RANBP2: variants seen among roughly 807,000 people sequenced by gnomAD.
RANBP2 encodes the protein E3 SUMO-protein ligase RanBP2.
Under a neutral mutation model 303.6 loss-of-function variants are expected in RANBP2, and 57 were observed. The observed-to-expected ratio is 0.19, with a 90% confidence interval of 0.15 to 0.23. The LOEUF is 0.23. RANBP2 is among the 10% of genes least tolerant of loss of function. The pLI is 1.00. For missense variants in RANBP2, 3,138 were observed against 3,780.8 expected, an observed-to-expected ratio of 0.83 and a Z score of 4.46; for synonymous variants, 1,167 against 1,301.5, an observed-to-expected ratio of 0.90 and a Z score of 2.23.
At chr2:109,217,464 T>C in the RANBP2 span, among the ~76,000 whole-genome samples, 19 of 152,298 alleles carry the variant, frequency 1.2e-4, 1 homozygote, top group South Asian at 3.7e-3. Context: ...ATGGCCACGA[T>C]TGGTAAATAG....
At chr2:109,461,305 C>A in the RANBP2 span, among the ~76,000 whole-genome samples, 2 of 152,358 alleles carry the variant, frequency 1.3e-5, no homozygotes, top group Admixed American at 1.3e-4. Context: ...GGCCCAGTGG[C>A]AGACCAAGAA....
rs370391011 is a variant in RANBP2 at position 108,731,371 on chromosome 2, C to T, written c.302C>T (p.Ala101Val). 6.2e-7 allele frequency: 1 copy of T among 1,611,296 alleles called. No homozygotes were observed. The highest frequency in any genetic ancestry group is 1.3e-5 in the African/African-American group (1 of 74,790). The part of the protein sequence containing the change: ...PTQKDLVLKI[A>V]ELLCKNDVTD... The stretch of plus-strand genomic sequence containing the variant: ...CAAAAAGATCTTGTGTTGAAGATTG[C>T]AGAATTGCTTTGTAAAAATGATGTT... Residue 101 changes from alanine to valine, a missense_variant, in exon 4 of 29, where the codon GCA (alanine) becomes GTA (valine). Transcript: ENST00000283195.
the RANBP2 span, among the ~76,000 whole-genome samples, chr2:109,756,336 CGTGTTCTA>C: frequency 1.9e-5 from 1 of 53,134 alleles, no homozygotes; most frequent in Non-Finnish European, 4.1e-5. Context: ...GTCAGGAAGA[CGTGTTCTA>C]GTGGTTGATA....
rs528391703 is a variant in RANBP2, at chr2:108,760,011, C to T, written c.2602+1463C>T. Among the ~76,000 whole-genome samples the T allele has an allele frequency of 8.0e-3, 1,225 of 152,248 alleles. 22 individuals carry two copies. The highest frequency in any genetic ancestry group is 0.027 in the African/African-American group (1,120 of 41,572). On this transcript the variant is annotated intron_variant, in intron 18 of 28. Coordinates refer to ENST00000283195, the MANE Select transcript of RANBP2 (RefSeq NM_006267.5). ...TCCAAATGGATTATTTACAGGTTCACAAAACAGCTTTGTGGCACTGAAAGG... is the reference window on the plus strand; with the variant it reads ...TCCAAATGGATTATTTACAGGTTCATAAAACAGCTTTGTGGCACTGAAAGG...
At chr2:108,811,247 C>CTCTCT in the RANBP2 span, among the ~76,000 whole-genome samples, 1 of 113,940 alleles carries the variant, frequency 8.8e-6, no homozygotes, top group African/African-American at 3.8e-5. Context: ...TTCTCTCTCT[C>CTCTCT]TTTTTTTTTT....
At chr2:108,889,281 G>T in the RANBP2 span, among the ~76,000 whole-genome samples, 1 of 152,100 alleles carries the variant, frequency 6.6e-6, no homozygotes, top group African/African-American at 2.4e-5. Context: ...TAGTCAGATA[G>T]AATGTTCTGT....
chr2:108,895,010 A>C, the RANBP2 span: 2 of 150,036 alleles, frequency 1.3e-5, no homozygotes, highest in Non-Finnish European at 3.0e-5. Flanking sequence ...AATTAAGGGG[A>C]GACTCACTCA....
the RANBP2 span, among the ~76,000 whole-genome samples, chr2:109,459,631 C>T: frequency 1.6e-3 from 240 of 152,236 alleles, 2 homozygotes; most frequent in African/African-American, 5.6e-3. Flanking sequence ...GGATCAGTCA[C>T]CCGAGCCAGC....
the RANBP2 span, among the ~76,000 whole-genome samples, chr2:109,241,965 A>G: frequency 5.3e-5 from 8 of 151,578 alleles, no homozygotes; most frequent in East Asian, 2.0e-4. Flanking sequence ...TGCTGCTTTC[A>G]TGGTGGTTTT....
chr2:109,448,672 A>T, the RANBP2 span, among the ~76,000 whole-genome samples: 6 of 152,186 alleles, frequency 3.9e-5, no homozygotes, highest in Non-Finnish European at 8.8e-5. Context: ...ATTCTATGTT[A>T]TGGTGAGTTG....
chr2:108,757,761 G>GT (rs1022599442), intron 17 of RANBP2, among the ~76,000 whole-genome samples: 3 of 152,138 alleles, frequency 2.0e-5, no homozygotes, highest in East Asian at 3.8e-4. Context: ...GTAGATACTT[G>GT]TTTTTTTGAG....
In RANBP2 at chr2:108,760,661, A is replaced by G. The variant is rs1162932106; in HGVS notation, c.2603-1440A>G. Among the ~76,000 whole-genome samples, 3 of 152,168 alleles carry G rather than the reference A, an allele frequency of 2.0e-5. 1 individual carries two copies. The highest frequency in any genetic ancestry group is 4.4e-5 in the Non-Finnish European group (3 of 68,024). On this transcript the variant is annotated intron_variant, in intron 18 of 28. Transcript: ENST00000283195. The stretch of plus-strand genomic sequence containing the variant: ...TTTTTAAGTTTTTTTAATACTAGTC[A>G]TGGTCAACAATTCATGCAAATGGCA...
At chr2:108,824,685 T>C in the RANBP2 span, among the ~76,000 whole-genome samples, 1 of 152,300 alleles carries the variant, frequency 6.6e-6, no homozygotes, top group East Asian at 1.9e-4. Flanking sequence ...AACATAGTCA[T>C]TTATTATCTT....
the RANBP2 span, among the ~76,000 whole-genome samples, chr2:108,795,428 A>T: frequency 6.6e-6 from 1 of 152,174 alleles, no homozygotes; most frequent in Admixed American, 6.5e-5. Flanking sequence ...AAGTGCTGGG[A>T]TTACAGGCGT....
the RANBP2 span, among the ~76,000 whole-genome samples, chr2:109,248,400 TCA>T: frequency 6.6e-6 from 1 of 152,234 alleles, no homozygotes; most frequent in Non-Finnish European, 1.5e-5. Flanking sequence ...GTTATCGCTC[TCA>T]TTTTTTTCCT....
the RANBP2 span, among the ~76,000 whole-genome samples, chr2:109,256,185 C>T: frequency 6.6e-6 from 1 of 152,200 alleles, no homozygotes; most frequent in Non-Finnish European, 1.5e-5. Context: ...TGAGTCCTGT[C>T]CCCTGAGTGG....
chr2:108,744,586 T>C (rs1696364936), intron 7 of RANBP2, among the ~76,000 whole-genome samples: 1 of 152,230 alleles, frequency 6.6e-6, no homozygotes, highest in Non-Finnish European at 1.5e-5. Flanking sequence ...TGTGTGCTCT[T>C]TTCAACATAT....
the RANBP2 span, among the ~76,000 whole-genome samples, chr2:109,394,119 A>G: frequency 0.01 from 1,534 of 152,288 alleles, 23 homozygotes; most frequent in African/African-American, 0.035. Flanking sequence ...CATTCTGTAG[A>G]ACTGTTTAAA....
chr2:109,105,591 G>C, the RANBP2 span, among the ~76,000 whole-genome samples: 3 of 152,040 alleles, frequency 2.0e-5, no homozygotes, highest in African/African-American at 7.2e-5. Flanking sequence ...GTCTTGCTCT[G>C]TTGCTCAGGC....
Sources: gnomAD v4.1 joint callset for allele counts (sites outside exome capture counted in the v4.1 genomes callset) on GRCh38, gnomAD v4.1.1 for gene constraint, MANE v1.5 for transcripts, NCBI Gene and HGNC (gene_info 2026-07-23, HGNC 2026-07-21) for gene names.